The following FAT4 variants were observed in gnomAD, a reference collection of about 807,000 sequenced individuals.
The protein encoded by FAT4 is FAT atypical cadherin 4.
Under a neutral mutation model 303.9 loss-of-function variants are expected in FAT4, and 84 were observed. The observed-to-expected ratio is 0.28, with a 90% CI of 0.23 to 0.33. FAT4 has a LOEUF of 0.33. Among genes scored for constraint, FAT4 ranks in the 10% least tolerant of loss-of-function variants. The pLI, the probability that FAT4 is intolerant of heterozygous loss-of-function variation, is 1.00. For missense variants in FAT4, 6,005 were observed against 6,146.8 expected, an observed-to-expected ratio of 0.98 and a Z score of 0.77; for synonymous variants, 2,307 against 2,298.8, an observed-to-expected ratio of 1.00 and a Z score of -0.10.
At chr4:125,410,555 T>C (rs1734801269) in intron 5 of FAT4, among the ~76,000 whole-genome samples, 1 of 152,178 alleles carries the variant, frequency 6.6e-6, no homozygotes, top group Non-Finnish European at 1.5e-5. Context: ...CCTGTGACTG[T>C]GCTCAACTTT....
chr4:125,437,931 G>A lies in FAT4; in HGVS notation c.7199+3506G>A, dbSNP rs536967481. ...TAATTTAAGTGAGCTGGTTAGAATA[G>A]CACCAGGAACAAAAAACAATGCTCA... On this transcript the variant is annotated intron_variant, in intron 8 of 17. Transcript: ENST00000394329. 3.6e-3 allele frequency among the ~76,000 whole-genome samples: 545 copies of A among 152,218 alleles called. 5 individuals carry two copies. The highest frequency in any genetic ancestry group is 0.012 in the African/African-American group (508 of 41,550).
Position 125,468,641 on chromosome 4 carries a change from T to G in FAT4, c.12035T>G (p.Leu4012Ter). Residue 4012 changes from leucine (L) to a stop codon, truncating the protein, a stop_gained, in exon 12 of 18, where the codon TTA becomes TGA. Transcript: ENST00000394329. LOFTEE classifies it high-confidence loss of function. ...VKFATIKSHA[L>*]LLYNYDNQTG... is the part of the protein sequence containing the mutation. The stretch of plus-strand genomic sequence containing the variant: ...TTTGCCACGATTAAAAGTCATGCCT[T>G]ATTGCTTTACAACTATGACAACCAG... 1.2e-6 allele frequency: 2 copies of G among 1,614,116 alleles called. No homozygotes were observed. Among genetic ancestry groups the G allele is most frequent in the Non-Finnish European group, 1.7e-6 (2 of 1,180,004 alleles).
Position 125,452,071 on chromosome 4 carries a change from C to T in FAT4, c.11061C>T (p.Ser3687=). Residue 3687 remains serine (S), a synonymous_variant, in exon 10 of 18, where the codon AGC becomes AGT. Transcript: ENST00000394329. ...TDGTFDLTVL[S]NDGVHSTVTS... is the part of the protein sequence containing the mutation. ...GCACGTTTGATCTGACTGTCCTTAG[C>T]AATGATGGAGTTCACAGCACAGTCA... is the stretch of plus-strand genomic sequence containing the variant. 3.1e-6 allele frequency: 5 copies of T among 1,614,120 alleles called. No individual in the cohort carries two copies. Among genetic ancestry groups the T allele is most frequent in the Non-Finnish European group, 4.2e-6 (5 of 1,180,018 alleles).
chr4:125,321,676 C>T, intron 2 of FAT4, 90 bp downstream of exon 2: 1 of 1,266,226 alleles, frequency 7.9e-7, no homozygotes, highest in Non-Finnish European at 1.1e-6. Flanking sequence ...TGTTTACCTT[C>T]ATTGTTTATT....
In FAT4 at chr4:125,490,972, C is replaced by T. The variant is rs1727613299; in HGVS notation, c.14156C>T (p.Pro4719Leu). 6.2e-7 allele frequency: 1 copy of T among 1,614,078 alleles called. No individual in the cohort carries two copies. The highest frequency in any genetic ancestry group is 1.3e-5 in the African/African-American group (1 of 74,926). ...TCTTCTACGTTCTATAGAAACAGCC[C>T]AGCAAGGGAATTGCATCTTCCTATA... ...SKSSTFYRNSPARELHLPIRD... is the reference protein window; with the variant it reads ...SKSSTFYRNSLARELHLPIRD... The change falls in exon 18 of 18, where the codon CCA becomes CTA. Residue 4719 changes from proline to leucine, a missense_variant. Transcript: ENST00000394329.
At position 125,491,463 on chromosome 4, in the gene FAT4, G is replaced by T; in HGVS notation, c.14647G>T (p.Glu4883Ter). The T allele has an allele frequency of 6.2e-7, 1 of 1,614,178 alleles. No homozygotes were observed. Among genetic ancestry groups the T allele is most frequent in the Non-Finnish European group, 8.5e-7 (1 of 1,180,024 alleles). ...SQVNESDADDEDNYGARLKPR... is the reference protein window; with the variant it reads ...SQVNESDADD ...AGTCAATGAATCTGATGCAGATGAT[G>T]AAGATAATTATGGAGCCAGACTGAA... Residue 4883 changes from glutamate (E) to a stop codon, truncating the protein, a stop_gained, in exon 18 of 18, where the codon GAA becomes TAA. Transcript: ENST00000394329. LOFTEE classifies it high-confidence loss of function.
rs1053305056 is a variant in FAT4, at chr4:125,449,654, G to C, written c.8644G>C (p.Asp2882His). Residue 2882 changes from aspartate (D) to histidine (H), a missense_variant, in exon 10 of 18, where the codon GAT (aspartate) becomes CAT (histidine). Asp to His is a moderately conservative substitution (Grantham distance 81, BLOSUM62 -1). Transcript: ENST00000394329. ...PRFSRTSYYLDCPELTEIGSK... is the reference protein window; with the variant it reads ...PRFSRTSYYLHCPELTEIGSK... ...ATTTAGCAGAACTTCCTATTATTTAGATTGCCCTGAACTTACTGAGATTGG... is the reference window on the plus strand; with the variant it reads ...ATTTAGCAGAACTTCCTATTATTTACATTGCCCTGAACTTACTGAGATTGG... 6.2e-7 allele frequency: 1 copy of C among 1,613,828 alleles called. No homozygotes were observed. Among genetic ancestry groups the C allele is most frequent in the Non-Finnish European group, 8.5e-7 (1 of 1,179,938 alleles).
intron 16 of FAT4, among the ~76,000 whole-genome samples, chr4:125,484,714 T>G (rs2126089957): frequency 6.6e-6 from 1 of 152,318 alleles, no homozygotes; most frequent in East Asian, 1.9e-4. Flanking sequence ...CTATTGCTCC[T>G]GTGCTATAAA....
chr4:125,366,613 C>T (rs539564180), intron 2 of FAT4, among the ~76,000 whole-genome samples: 1 of 152,108 alleles, frequency 6.6e-6, no homozygotes, highest in African/African-American at 2.4e-5. Context: ...TGGGTATATA[C>T]CCAGTAATGG....
chr4:125,454,555 CAGG>C, intron 10 of FAT4, among the ~76,000 whole-genome samples: 1 of 152,246 alleles, frequency 6.6e-6, no homozygotes, highest in Admixed American at 6.5e-5. Flanking sequence ...TAGTACAGGC[CAGG>C]TGCAGTGGCT....
intron 7 of FAT4, among the ~76,000 whole-genome samples, chr4:125,420,977 C>CTGG (rs1401191803): frequency 6.6e-6 from 1 of 152,194 alleles, no homozygotes; most frequent in African/African-American, 2.4e-5. Context: ...GTTGTGCAGG[C>CTGG]TGGTGTGTAG....
At chr4:125,397,828 A>T (rs1734241287) in intron 2 of FAT4, among the ~76,000 whole-genome samples, 1 of 152,094 alleles carries the variant, frequency 6.6e-6, no homozygotes, top group South Asian at 2.1e-4. Context: ...CTTATCACTC[A>T]TCACTGATGG....
chr4:125,440,171 A>T (rs1404802045), intron 8 of FAT4, among the ~76,000 whole-genome samples: 1 of 152,130 alleles, frequency 6.6e-6, no homozygotes, highest in African/African-American at 2.4e-5. Context: ...AATGCATTGA[A>T]TGAACGATTT....
intron 10 of FAT4, among the ~76,000 whole-genome samples, chr4:125,456,950 C>A (rs1726301574): frequency 6.6e-6 from 1 of 152,148 alleles, no homozygotes; most frequent in East Asian, 1.9e-4. Flanking sequence ...AATTTTTGGC[C>A]ATCAGAATTA....
At chr4:125,416,367 CATT>C (rs1360610836) in intron 6 of FAT4, 78 bp from the exon 7 acceptor site, 2 of 1,234,636 alleles carry the variant, frequency 1.6e-6, no homozygotes, top group Non-Finnish European at 2.3e-6. Context: ...AGTTTTACCT[CATT>C]TTTTTTTAAT....
chr4:125,442,822 G>A (rs762107508), intron 8 of FAT4, among the ~76,000 whole-genome samples: 19 of 151,892 alleles, frequency 1.3e-4, no homozygotes, highest in Non-Finnish European at 2.4e-4. Flanking sequence ...AGACTATTAC[G>A]TTATACATAT....
rs1322391477 is a variant in FAT4 at position 125,369,233 on chromosome 4, G to T, written c.5176-29551G>T. ...AATCAGCAGACCTCTAATCTGAATT[G>T]AATGTGTTAAATCTTATCAACCTAG... is the stretch of plus-strand genomic sequence containing the variant. On this transcript the variant is annotated intron_variant, in intron 2 of 17. Transcript: ENST00000394329. Among the ~76,000 whole-genome samples, 3 of 152,148 alleles carry T rather than the reference G, an allele frequency of 2.0e-5. No homozygotes were observed. In the East Asian group the frequency reaches 5.8e-4, roughly 29 times the overall value.
chr4:125,463,488 C>G (rs1054443560), intron 10 of FAT4, 75 bp from the exon 11 acceptor site: 34 of 773,068 alleles, frequency 4.4e-5, no homozygotes, highest in Non-Finnish European at 6.6e-5. Flanking sequence ...AAGATTTTTA[C>G]GTATGGTAAT....
chr4:125,423,466 G>A (rs934571525), intron 7 of FAT4, among the ~76,000 whole-genome samples: 97 of 152,204 alleles, frequency 6.4e-4, no homozygotes, highest in Non-Finnish European at 3.4e-4. Context: ...TTTCCACATG[G>A]TGTTGAGCCT....
Sources: gnomAD v4.1 joint callset for allele counts (sites outside exome capture counted in the v4.1 genomes callset) on GRCh38, gnomAD v4.1.1 for gene constraint, MANE v1.5 for transcripts, NCBI Gene and HGNC (gene_info 2026-07-23, HGNC 2026-07-21) for gene names.